PKIB: variants seen among roughly 807,000 people sequenced by gnomAD.
PKIB encodes PKI-beta.
Under a neutral mutation model 4.5 loss-of-function variants are expected in PKIB, and 2 were observed. The ratio of observed to expected loss-of-function variants is 0.44; its 90% CI spans 0.18 to 1.39. The LOEUF (loss-of-function observed/expected upper bound fraction) is 1.39. Ranked by LOEUF, PKIB falls within the 40% of genes most tolerant of loss-of-function variation. The pLI, the probability that PKIB is intolerant of heterozygous loss-of-function variation, is 0.27. For missense variants in PKIB, 94 were observed against 92.6 expected, an observed-to-expected ratio of 1.02 and a Z score of -0.06; for synonymous variants, 38 against 36.0, an observed-to-expected ratio of 1.06 and a Z score of -0.20.
intron 2 of PKIB, among the ~76,000 whole-genome samples, chr6:122,665,260 C>T (rs1288881144): frequency 1.3e-5 from 2 of 152,114 alleles, no homozygotes; most frequent in East Asian, 3.9e-4. Flanking sequence ...AAATACGAAA[C>T]CTTAATTTGG....
chr6:122,712,632 G>A (rs537965828), intron 3 of PKIB, among the ~76,000 whole-genome samples: 1 of 152,158 alleles, frequency 6.6e-6, no homozygotes, highest in East Asian at 1.9e-4. Context: ...GTTATTTTGT[G>A]TTTTTTCAGA....
At chr6:122,483,293 G>T (rs1360974963) in intron 2 of PKIB, 1 of 152,034 alleles carries the variant, frequency 6.6e-6, no homozygotes, top group Non-Finnish European at 1.5e-5. Context: ...ATCAATTTTT[G>T]ATTATGGGAG....
chr6:122,711,362 G>T (rs144298148), intron 3 of PKIB, among the ~76,000 whole-genome samples: 62 of 152,286 alleles, frequency 4.1e-4, no homozygotes, highest in African/African-American at 1.4e-3. Flanking sequence ...ACTTAGGAAA[G>T]ACTTTGACAC....
In PKIB at chr6:122,702,143, A is replaced by G. The variant is rs144786936; in HGVS notation, c.-8-15644A>G. Among the ~76,000 whole-genome samples, 532 of 152,100 alleles carry G rather than the reference A, an allele frequency of 3.5e-3. 4 individuals are homozygous for G. Among genetic ancestry groups the G allele is most frequent in the South Asian group, 0.015 (72 of 4,814 alleles). Reference sequence around the variant, plus strand: ...CTCTCTTAATAACTTATGAACGAAAATGAAACCTCACATTGAGTGTGCAAA... The same window carrying G: ...CTCTCTTAATAACTTATGAACGAAAGTGAAACCTCACATTGAGTGTGCAAA... On this transcript the variant is annotated intron_variant, in intron 3 of 4. Transcript: ENST00000368452.
rs1251718930 is a variant in PKIB, at chr6:122,725,887, C to T, written c.*692C>T. On this transcript the variant is annotated 3_prime_UTR_variant, in exon 5 of 5. Transcript: ENST00000368452. ...CCTATTAAATGAATTTTACTATCTT[C>T]CCTAACTTTGGTCTGTGTATGTGTG... 1 of 151,990 alleles carries T rather than the reference C, an allele frequency of 6.6e-6. No individual in the cohort carries two copies. The highest frequency in any genetic ancestry group is 1.5e-5 in the Non-Finnish European group (1 of 68,020). The allele number at this position is 151,990 out of a possible 1,614,324, so 9.4% of individuals were successfully genotyped here. A position where few individuals can be genotyped will look rare whatever the true frequency, so the allele number is the denominator to read the frequency against.
intron 3 of PKIB, chr6:122,701,575 A>G (rs1582826387): frequency 1.3e-6 from 2 of 1,503,322 alleles, no homozygotes; most frequent in Non-Finnish European, 1.8e-6. Flanking sequence ...ACAGTGCCAC[A>G]TAGGCCATAG....
chr6:122,670,504 GTT>G (rs1777421627), intron 2 of PKIB, among the ~76,000 whole-genome samples: 1 of 134,984 alleles, frequency 7.4e-6, no homozygotes, highest in South Asian at 2.7e-4. Context: ...TGTTTTTGTT[GTT>G]GTTGTTGTTG....
At chr6:122,676,411 T>C (rs1777675694) in intron 3 of PKIB, among the ~76,000 whole-genome samples, 1 of 152,110 alleles carries the variant, frequency 6.6e-6, no homozygotes, top group South Asian at 2.1e-4. Flanking sequence ...AGGCCATGGA[T>C]TGGTACCCAG....
chr6:122,689,491 A>G (rs1778237727), intron 3 of PKIB, among the ~76,000 whole-genome samples: 1 of 152,012 alleles, frequency 6.6e-6, no homozygotes, highest in Non-Finnish European at 1.5e-5. Context: ...AAATTTTTCA[A>G]TTTCCTTCTT....
intron 2 of PKIB, among the ~76,000 whole-genome samples, chr6:122,646,763 CTG>C (rs1450701179): frequency 1.3e-5 from 2 of 152,150 alleles, no homozygotes; most frequent in Admixed American, 6.5e-5. Context: ...ATTATCACCT[CTG>C]TGACTTTGGG....
intron 3 of PKIB, among the ~76,000 whole-genome samples, chr6:122,688,496 TG>T (rs1778183040): frequency 7.2e-6 from 1 of 139,426 alleles, no homozygotes; most frequent in African/African-American, 2.5e-5. Context: ...TCTTTTCTTC[TG>T]TTTTTTTTGG....
chr6:122,630,937 A>C lies in PKIB; in HGVS notation c.-160-2346A>C, dbSNP rs574438807. Among the ~76,000 whole-genome samples, 13 of 152,268 alleles carry C rather than the reference A, an allele frequency of 8.5e-5. No homozygotes were observed. The East Asian group carries it at 2.3e-3, about 27-fold the overall frequency. On this transcript the variant is annotated intron_variant, in intron 1 of 4. Coordinates refer to ENST00000368452, the MANE Select transcript of PKIB (RefSeq NM_181795.3). ...CTGGAAACCAGCAGATGGGATGCTCATGAGAACTCAGGGGTTGAAGGAGAG... is the reference window on the plus strand; with the variant it reads ...CTGGAAACCAGCAGATGGGATGCTCCTGAGAACTCAGGGGTTGAAGGAGAG...
chr6:122,563,583 G>A (rs754004870), intron 2 of PKIB, among the ~76,000 whole-genome samples: 2 of 151,972 alleles, frequency 1.3e-5, no homozygotes, highest in African/African-American at 4.8e-5. Context: ...AACATCAGGC[G>A]GGGGCAGGAC....
At chr6:122,598,445 C>T (rs950648681) in intron 3 of PKIB, among the ~76,000 whole-genome samples, 2 of 152,184 alleles carry the variant, frequency 1.3e-5, no homozygotes, top group African/African-American at 4.8e-5. Flanking sequence ...CTTGGCTCCT[C>T]CCACCTCGGG....
chr6:122,586,748 C>T (rs866720742), intron 3 of PKIB, among the ~76,000 whole-genome samples: 17 of 152,154 alleles, frequency 1.1e-4, no homozygotes, highest in South Asian at 2.1e-4. Flanking sequence ...AGGCAGACAA[C>T]GGAGCAGATG....
intron 3 of PKIB, among the ~76,000 whole-genome samples, chr6:122,687,754 G>A (rs1401187821): frequency 1.3e-5 from 2 of 151,976 alleles, no homozygotes; most frequent in African/African-American, 4.8e-5. Flanking sequence ...TTCTTTTTCA[G>A]ATTATTAAAT....
intron 3 of PKIB, among the ~76,000 whole-genome samples, chr6:122,708,795 G>C (rs1779159449): frequency 6.6e-6 from 1 of 151,954 alleles, no homozygotes; most frequent in Non-Finnish European, 1.5e-5. Context: ...CACCACGCCT[G>C]GCTAATTTTT....
intron 3 of PKIB, among the ~76,000 whole-genome samples, chr6:122,704,208 G>T (rs1778960164): frequency 1.3e-5 from 2 of 151,926 alleles, no homozygotes; most frequent in South Asian, 4.2e-4. Flanking sequence ...TTCCATTCAG[G>T]ACTTCAATGC....
intron 2 of PKIB, among the ~76,000 whole-genome samples, chr6:122,568,409 T>C (rs1385168907): frequency 1.3e-5 from 2 of 152,190 alleles, no homozygotes; most frequent in African/African-American, 2.4e-5. Context: ...CAGAGTGTGA[T>C]AGAGGAGAGT....
Sources: allele counts gnomAD v4.1 joint callset (sites outside exome capture counted in the v4.1 genomes callset), GRCh38; gene constraint gnomAD v4.1.1; transcripts MANE v1.5; gene names NCBI Gene and HGNC (gene_info 2026-07-23, HGNC 2026-07-21).